ENOX2: variants seen among roughly 807,000 people sequenced by gnomAD.
ENOX2 encodes ecto-NOX disulfide-thiol exchanger 2, also known as APK1 antigen.
ENOX2 carries 36 observed loss-of-function variants against 45.0 expected under a neutral mutation model. That is an observed-to-expected ratio of 0.80 (90% CI 0.61 to 1.06). The LOEUF (loss-of-function observed/expected upper bound fraction) is 1.06, where lower values mean the gene tolerates loss of function less well. Among genes scored for constraint, ENOX2 ranks in the 50% least tolerant of loss-of-function variants. The probability of loss-of-function intolerance (pLI) is 0.00; values close to 1 mark genes in which losing one functional copy is unlikely to be tolerated. For missense variants in ENOX2, 423 were observed against 462.5 expected (o/e 0.91, Z 0.78); for synonymous variants, 174 against 152.3 (o/e 1.14, Z -1.05).
chrX:130,673,243 G>C (rs1172881035), intron 6 of ENOX2, among the ~76,000 whole-genome samples: 1 of 111,073 alleles, frequency 9.0e-6, no homozygotes, highest in Non-Finnish European at 1.9e-5. Context: ...AATAAGAAGT[G>C]ACAGCTTCCC....
intron 13 of ENOX2, among the ~76,000 whole-genome samples, chrX:130,630,997 A>AAACG (rs772330808): frequency 9.2e-5 from 10 of 108,598 alleles, no homozygotes; most frequent in Non-Finnish European, 1.5e-4. Flanking sequence ...ACAAACAAAC[A>AAACG]ATCCCTTGTC....
intron 12 of ENOX2, among the ~76,000 whole-genome samples, chrX:130,634,750 G>A (rs1477633964): frequency 9.0e-6 from 1 of 111,226 alleles, no homozygotes; most frequent in Non-Finnish European, 1.9e-5. Context: ...GGGATGAACC[G>A]ACTTCTTATT....
At chrX:130,802,888 A>C (rs1332979638) in intron 2 of ENOX2, among the ~76,000 whole-genome samples, 1 of 112,508 alleles carries the variant, frequency 8.9e-6, no homozygotes, top group Non-Finnish European at 1.9e-5. Flanking sequence ...TAAGCTCAAA[A>C]AGTTAGTATT....
At chrX:130,883,052 T>C (rs1485510614) in intron 2 of ENOX2, among the ~76,000 whole-genome samples, 1 of 112,595 alleles carries the variant, frequency 8.9e-6, no homozygotes, top group Non-Finnish European at 1.9e-5. Flanking sequence ...AAGGTATTTA[T>C]AACATGATCT....
chrX:130,759,565 G>A (rs2039427073), intron 3 of ENOX2, among the ~76,000 whole-genome samples: 1 of 83,965 alleles, frequency 1.2e-5, no homozygotes, highest in Non-Finnish European at 2.2e-5. Flanking sequence ...GTGACAGAGC[G>A]AGACTATGTA....
At chrX:130,639,641 AT>A (rs915200068) in intron 10 of ENOX2, among the ~76,000 whole-genome samples, 3 of 111,211 alleles carry the variant, frequency 2.7e-5, no homozygotes, top group South Asian at 3.8e-4. Context: ...TCAGACTGGG[AT>A]TTTTTTTTAA....
chrX:130,814,855 A>G (rs2077453697), intron 2 of ENOX2, among the ~76,000 whole-genome samples: 1 of 111,843 alleles, frequency 8.9e-6, no homozygotes. Context: ...AAAGGATCAC[A>G]ACTCCTTGCC....
chrX:130,778,200 G>A (rs1156460165), intron 3 of ENOX2, among the ~76,000 whole-genome samples: 1 of 111,672 alleles, frequency 9.0e-6, no homozygotes, highest in East Asian at 2.8e-4. Context: ...TTTCAGGTAA[G>A]AAAGGAAACA....
intron 3 of ENOX2, among the ~76,000 whole-genome samples, chrX:130,782,698 G>C (rs895647084): frequency 9.0e-6 from 1 of 111,695 alleles, no homozygotes; most frequent in African/African-American, 3.3e-5. Flanking sequence ...TGTCTGTTAT[G>C]CCCATCCCCG....
intron 2 of ENOX2, among the ~76,000 whole-genome samples, chrX:130,852,826 A>C (rs1454465608): frequency 9.0e-6 from 1 of 111,598 alleles, no homozygotes; most frequent in Admixed American, 9.5e-5. Flanking sequence ...AATGACCATT[A>C]TGAACATTAT....
chrX:130,694,619 T>G (rs2148197189), intron 4 of ENOX2, among the ~76,000 whole-genome samples: 1 of 102,763 alleles, frequency 9.7e-6, no homozygotes, highest in East Asian at 3.0e-4. Flanking sequence ...TTTTTTTTTT[T>G]GAGATGGAGT....
chrX:130,679,497 C>T, intron 6 of ENOX2, 45 bp downstream of exon 6: 1 of 1,038,867 alleles, frequency 9.6e-7, no homozygotes. Context: ...TCTTTAATAT[C>T]TGCGTTGTGC....
At chrX:130,896,121 G>A (rs982163792) in intron 2 of ENOX2, among the ~76,000 whole-genome samples, 10 of 111,946 alleles carry the variant, frequency 8.9e-5, no homozygotes, top group African/African-American at 3.3e-4. Context: ...CTAGCTTGAG[G>A]AAGATTTAAG....
intron 2 of ENOX2, among the ~76,000 whole-genome samples, chrX:130,844,288 C>A (rs1297991268): frequency 8.9e-6 from 1 of 111,855 alleles, no homozygotes; most frequent in Non-Finnish European, 1.9e-5. Context: ...TTCCCTACTC[C>A]CCCCTTGCCT....
intron 3 of ENOX2, among the ~76,000 whole-genome samples, chrX:130,774,418 AT>A (rs1455634290): frequency 9.0e-6 from 1 of 111,731 alleles, no homozygotes; most frequent in Non-Finnish European, 1.9e-5. Flanking sequence ...ACACATTACT[AT>A]TTGGACAAAT....
Position 130,860,433 on chromosome X carries a change from C to T in ENOX2, c.-183+41251G>A, listed in dbSNP as rs1017854846. On this transcript the variant is annotated intron_variant, in intron 2 of 14. Transcript: ENST00000394363. ...GCTCCAGGTTTGTTTTCTCACCTAA[C>T]TGCTTGACATTTCCACTTCGATGTC... Among the ~76,000 whole-genome samples, 9 of 111,824 alleles carry T rather than the reference C, an allele frequency of 8.0e-5. No individual in the cohort carries two copies. In the Admixed American group the frequency reaches 8.6e-4, roughly 11 times the overall value.
intron 2 of ENOX2, among the ~76,000 whole-genome samples, chrX:130,875,622 T>C (rs1437696394): frequency 1.8e-5 from 2 of 111,761 alleles, no homozygotes; most frequent in African/African-American, 6.5e-5. Flanking sequence ...TATAGTTGGA[T>C]CCCTGCCTCA....
chrX:130,857,123 A>T (rs918007688), intron 2 of ENOX2, among the ~76,000 whole-genome samples: 4 of 112,364 alleles, frequency 3.6e-5, no homozygotes, highest in African/African-American at 1.3e-4. Flanking sequence ...CATTACTCAA[A>T]AATAAAAATG....
intron 2 of ENOX2, among the ~76,000 whole-genome samples, chrX:130,882,095 A>T (rs944737733): frequency 1.2e-4 from 13 of 111,506 alleles, no homozygotes; most frequent in Admixed American, 1.2e-3. Flanking sequence ...TTTGAGTGGA[A>T]CCTTAAATAT....
Sources: allele counts gnomAD v4.1 joint callset (sites outside exome capture counted in the v4.1 genomes callset), GRCh38; gene constraint gnomAD v4.1.1; transcripts MANE v1.5; gene names NCBI Gene and HGNC (gene_info 2026-07-23, HGNC 2026-07-21).